The following CPA6 variants were observed in gnomAD, a reference collection of about 807,000 sequenced individuals.
The protein encoded by CPA6 is carboxypeptidase A6.
In CPA6, 58 loss-of-function variants were observed where a neutral mutation model predicts 63.3. The observed-to-expected ratio is 0.92, with a 90% CI of 0.74 to 1.14. The LOEUF is 1.14. Ranked by LOEUF, CPA6 falls within the 50% of genes most tolerant of loss-of-function variation. The pLI is 0.00. For missense variants in CPA6, 565 were observed against 526.6 expected (o/e 1.07, Z -0.71); for synonymous variants, 185 against 179.0 (o/e 1.03, Z -0.27).
At chr8:67,521,852 C>G (rs143407534) in intron 2 of CPA6, among the ~76,000 whole-genome samples, 1 of 152,184 alleles carries the variant, frequency 6.6e-6, no homozygotes, top group Non-Finnish European at 1.5e-5. Flanking sequence ...TGACTCCCTA[C>G]GATCTGATCT....
At chr8:67,660,730 T>C (rs535466027) in intron 1 of CPA6, among the ~76,000 whole-genome samples, 10 of 152,214 alleles carry the variant, frequency 6.6e-5, no homozygotes, top group African/African-American at 2.4e-4. Flanking sequence ...GCCTTTGGTA[T>C]TCATATCACT....
At chr8:67,586,392 T>C (rs553234409) in intron 2 of CPA6, among the ~76,000 whole-genome samples, 21 of 152,282 alleles carry the variant, frequency 1.4e-4, no homozygotes, top group African/African-American at 5.1e-4. Flanking sequence ...CATAGAAGAT[T>C]GTTGGATCAG....
intron 3 of CPA6, 34 bp downstream of exon 3, chr8:67,517,889 A>C (rs1368177573): frequency 1.9e-6 from 3 of 1,580,478 alleles, no homozygotes; most frequent in Non-Finnish European, 2.6e-6. Flanking sequence ...TTTAGTACCA[A>C]TAAATTTTAT....
chr8:67,715,943 C>T (rs1026675685), intron 1 of CPA6, among the ~76,000 whole-genome samples: 1 of 152,010 alleles, frequency 6.6e-6, no homozygotes, highest in African/African-American at 2.4e-5. Flanking sequence ...CACCTAAGGT[C>T]AGGAGTTCGA....
Position 67,517,977 on chromosome 8 carries a change from TG to T in CPA6, c.262del (p.Gln88LysfsTer8). 5.0e-6 allele frequency: 8 copies of T among 1,613,178 alleles called. No homozygotes were observed. Among genetic ancestry groups the T allele is most frequent in the Non-Finnish European group, 5.9e-6 (7 of 1,179,688 alleles). On this transcript the variant is annotated frameshift_variant, in exon 3 of 11. Coordinates refer to ENST00000297770, the MANE Select transcript of CPA6 (RefSeq NM_020361.5). LOFTEE classifies it high-confidence loss of function. ...GGCTAACAGGGCTCGGGAACCATTT[TG>T]GGGGATATGGACATCAGTAACTGTT... ...EGTVTDVHIP[Q>X]NGSRALLAFL... is the part of the protein sequence containing the mutation.
chr8:67,652,283 A>G (rs1334031144), intron 1 of CPA6, among the ~76,000 whole-genome samples: 56 of 152,276 alleles, frequency 3.7e-4, no homozygotes, highest in Non-Finnish European at 6.5e-4. Flanking sequence ...GGGTCAAATC[A>G]TATTTCTAGT....
intron 2 of CPA6, among the ~76,000 whole-genome samples, chr8:67,573,381 T>G (rs1813535373): frequency 6.6e-6 from 1 of 152,140 alleles, no homozygotes; most frequent in Admixed American, 6.5e-5. Context: ...TCCTATAGAT[T>G]CCACCAAAAA....
chr8:67,437,778 G>GA (rs1374968617), intron 8 of CPA6, among the ~76,000 whole-genome samples: 1 of 151,834 alleles, frequency 6.6e-6, no homozygotes, highest in African/African-American at 2.4e-5. Flanking sequence ...TAAAGAATAG[G>GA]AAAAATGACA....
chr8:67,619,841 G>A (rs1197096930), intron 2 of CPA6, among the ~76,000 whole-genome samples: 1 of 152,160 alleles, frequency 6.6e-6, no homozygotes, highest in Non-Finnish European at 1.5e-5. Context: ...CACCTGTTCA[G>A]ACCCTAACCC....
At chr8:67,661,891 C>T (rs1040739769) in intron 1 of CPA6, among the ~76,000 whole-genome samples, 7 of 152,316 alleles carry the variant, frequency 4.6e-5, no homozygotes, top group Admixed American at 2.6e-4. Context: ...GTTTACTTCA[C>T]GTAGCATAAT....
intron 1 of CPA6, among the ~76,000 whole-genome samples, chr8:67,650,083 G>A (rs1815802348): frequency 6.6e-6 from 1 of 151,996 alleles, no homozygotes; most frequent in Admixed American, 6.6e-5. Context: ...TTTATATGGG[G>A]GCTGTATGTG....
chr8:67,517,682 T>G (rs1013476057), intron 3 of CPA6, among the ~76,000 whole-genome samples: 1 of 152,216 alleles, frequency 6.6e-6, no homozygotes, highest in African/African-American at 2.4e-5. Context: ...AAAAGGTCTA[T>G]CTTTTCACTG....
chr8:67,486,299 A>G (rs531868985), intron 6 of CPA6, among the ~76,000 whole-genome samples: 4 of 152,368 alleles, frequency 2.6e-5, no homozygotes, highest in African/African-American at 9.6e-5. Flanking sequence ...TGCATATGCC[A>G]CTGTGGTTCC....
At chr8:67,693,068 G>T (rs1026299849) in intron 1 of CPA6, among the ~76,000 whole-genome samples, 4 of 152,142 alleles carry the variant, frequency 2.6e-5, no homozygotes, top group African/African-American at 9.7e-5. Flanking sequence ...AGTTATTAAG[G>T]CTGATGACTG....
chr8:67,694,011 CAAAG>C (rs1207623179), intron 1 of CPA6, among the ~76,000 whole-genome samples: 1 of 152,180 alleles, frequency 6.6e-6, no homozygotes, highest in East Asian at 1.9e-4. Flanking sequence ...CCTCCTACAA[CAAAG>C]AAAGAGGCAA....
intron 2 of CPA6, among the ~76,000 whole-genome samples, chr8:67,608,903 A>T (rs1334222972): frequency 1.3e-5 from 2 of 152,226 alleles, no homozygotes; most frequent in African/African-American, 2.4e-5. Flanking sequence ...AACTAATTGT[A>T]GGGAAGGTTG....
chr8:67,593,810 A>G (rs1814209146), intron 2 of CPA6, among the ~76,000 whole-genome samples: 1 of 148,376 alleles, frequency 6.7e-6, no homozygotes, highest in East Asian at 2.0e-4. Context: ...TGAATACAGC[A>G]CACTGATGGG....
intron 6 of CPA6, among the ~76,000 whole-genome samples, chr8:67,494,435 G>C (rs1465215181): frequency 6.6e-6 from 1 of 152,076 alleles, no homozygotes; most frequent in Non-Finnish European, 1.5e-5. Flanking sequence ...CAGCGATGTA[G>C]AATTATTTGA....
chr8:67,649,742 T>G (rs1435607649), intron 1 of CPA6, among the ~76,000 whole-genome samples: 2 of 152,172 alleles, frequency 1.3e-5, no homozygotes, highest in African/African-American at 4.8e-5. Flanking sequence ...TGACCGCCTG[T>G]GACTTGTTCT....
Sources: allele counts gnomAD v4.1 joint callset (sites outside exome capture counted in the v4.1 genomes callset), GRCh38; gene constraint gnomAD v4.1.1; transcripts MANE v1.5; gene names NCBI Gene and HGNC (gene_info 2026-07-23, HGNC 2026-07-21).